FARP2: variants seen among roughly 807,000 people sequenced by gnomAD.
The protein encoded by FARP2 is FERM, ARH/RhoGEF and pleckstrin domain protein 2, also known as FERM, ARHGEF and pleckstrin domain-containing protein 2.
A neutral mutation model predicts 130.5 loss-of-function variants in FARP2; 111 were observed. The ratio of observed to expected loss-of-function variants is 0.85; its 90% CI spans 0.73 to 1.00. The LOEUF (loss-of-function observed/expected upper bound fraction) is 1.00. Among genes scored for constraint, FARP2 ranks in the 50% least tolerant of loss-of-function variants. The pLI is 0.00. For synonymous variants in FARP2, 504 were observed against 516.9 expected, an observed-to-expected ratio of 0.98 and a Z score of 0.34; for missense variants, 1,385 against 1,346.3, an observed-to-expected ratio of 1.03 and a Z score of -0.45.
intron 18 of FARP2, among the ~76,000 whole-genome samples, chr2:241,469,158 C>T (rs961360325): frequency 7.3e-5 from 11 of 151,642 alleles, no homozygotes; most frequent in Non-Finnish European, 1.3e-4. Context: ...GTGATCTTGG[C>T]TTACTGCAAT....
At chr2:241,445,902 CAT>C (rs2063503959) in intron 13 of FARP2, 1 of 152,246 alleles carries the variant, frequency 6.6e-6, no homozygotes, top group Non-Finnish European at 1.5e-5. Context: ...GGGTCACCGT[CAT>C]AGCCAGGTGT....
chr2:241,375,184 C>G (rs953330837), intron 2 of FARP2, among the ~76,000 whole-genome samples: 3 of 152,120 alleles, frequency 2.0e-5, no homozygotes, highest in Non-Finnish European at 4.4e-5. Flanking sequence ...ATCCCCTGAC[C>G]TCGTGATCCG....
chr2:241,435,768 C>T (rs964441852), intron 11 of FARP2, among the ~76,000 whole-genome samples: 1 of 151,786 alleles, frequency 6.6e-6, no homozygotes, highest in African/African-American at 2.4e-5. Context: ...GCCTCGGCCT[C>T]CCAAAGTGCT....
At chr2:241,492,446 C>T (rs1317657327) in intron 24 of FARP2, among the ~76,000 whole-genome samples, 1 of 152,168 alleles carries the variant, frequency 6.6e-6, no homozygotes, top group Admixed American at 6.5e-5. Context: ...GCGGGAGGCT[C>T]ATGTGAGCCC....
intron 5 of FARP2, among the ~76,000 whole-genome samples, chr2:241,409,449 T>C (rs1296746604): frequency 6.6e-6 from 1 of 152,124 alleles, no homozygotes; most frequent in Admixed American, 6.6e-5. Context: ...CTCTGGAGGC[T>C]GAGGCAGGAG....
intron 12 of FARP2, among the ~76,000 whole-genome samples, chr2:241,437,662 A>AT (rs1254102658): frequency 5.8e-4 from 79 of 135,398 alleles, no homozygotes; most frequent in East Asian, 3.7e-3. Context: ...TTATTTATTT[A>AT]TTTATTTATT....
intron 1 of FARP2, among the ~76,000 whole-genome samples, chr2:241,370,065 A>G (rs968340428): frequency 1.3e-5 from 2 of 152,182 alleles, no homozygotes; most frequent in Non-Finnish European, 2.9e-5. Flanking sequence ...AAGAAGGATT[A>G]ATTAATGGGT....
intron 9 of FARP2, 24 bp downstream of exon 9, chr2:241,431,798 A>G (rs909687000): frequency 1.6e-5 from 14 of 899,214 alleles, no homozygotes; most frequent in Non-Finnish European, 2.2e-5. Flanking sequence ...TCAACTTTTT[A>G]TTTTTATTTT....
intron 21 of FARP2, among the ~76,000 whole-genome samples, chr2:241,485,757 C>G (rs2064737373): frequency 6.6e-6 from 1 of 151,702 alleles, no homozygotes. Flanking sequence ...TCCCTGTGGT[C>G]CTCCCTCCCT....
At chr2:241,356,701 C>T (rs1022530785) in intron 1 of FARP2, among the ~76,000 whole-genome samples, 1 of 151,802 alleles carries the variant, frequency 6.6e-6, no homozygotes, top group Non-Finnish European at 1.5e-5. Context: ...GGGCTGTAGA[C>T]CGGGGAGTGT....
intron 1 of FARP2, among the ~76,000 whole-genome samples, chr2:241,370,318 A>G (rs938927642): frequency 6.6e-6 from 1 of 152,206 alleles, no homozygotes; most frequent in Non-Finnish European, 1.5e-5. Flanking sequence ...AAGATCTATT[A>G]TATAGCATGG....
At chr2:241,430,307 A>G (rs893874839) in intron 8 of FARP2, among the ~76,000 whole-genome samples, 2 of 152,112 alleles carry the variant, frequency 1.3e-5, no homozygotes, top group Non-Finnish European at 2.9e-5. Context: ...TGCCTGCTTC[A>G]CTGTGGAGTC....
At chr2:241,365,969 A>G (rs2061293771) in intron 1 of FARP2, among the ~76,000 whole-genome samples, 1 of 146,086 alleles carries the variant, frequency 6.8e-6, no homozygotes, top group South Asian at 2.1e-4. Context: ...TTTTTGGTTT[A>G]TGCTCTTTTT....
intron 7 of FARP2, among the ~76,000 whole-genome samples, chr2:241,416,514 A>G (rs922437428): frequency 2.6e-5 from 4 of 151,912 alleles, no homozygotes; most frequent in Admixed American, 2.0e-4. Flanking sequence ...CATTTCTTAC[A>G]TTGTCTTATG....
rs917540877 is a variant in FARP2, at chr2:241,491,121, G to A, written c.2565G>A (p.Lys855=). 1 of 1,613,368 alleles carries A rather than the reference G, an allele frequency of 6.2e-7. No individual in the cohort carries two copies. The highest frequency in any genetic ancestry group is 1.7e-5 in the Admixed American group (1 of 60,028). Reference sequence around the variant, plus strand: ...TGAACTCCGCGATCCAAGCAGCCAAGAGTGGCGGTGACACGGCCCCTGCAC... The same window carrying A: ...TGAACTCCGCGATCCAAGCAGCCAAAAGTGGCGGTGACACGGCCCCTGCAC... The part of the protein sequence containing the change: ...LDLNSAIQAA[K]SGGDTAPALP... The change falls in exon 23 of 27, where the codon AAG becomes AAA. Residue 855 remains lysine, a synonymous_variant. Coordinates refer to ENST00000264042, the MANE Select transcript of FARP2 (RefSeq NM_014808.4).
Position 241,456,735 on chromosome 2 carries a change from G to A in FARP2, c.1412-12G>A, listed in dbSNP as rs764333796. 32 of 1,613,630 alleles carry A rather than the reference G, an allele frequency of 2.0e-5. No individual in the cohort carries two copies. The highest frequency in any genetic ancestry group is 5.5e-5 in the South Asian group (5 of 91,064). On this transcript the variant is annotated splice_polypyrimidine_tract_variant and intron_variant, in intron 13 of 26. Transcript: ENST00000264042. ...CATTTCTCGCTCCATCCCCCTCCCCGTTCATTTCCAGGCCTTTCCACGAAG... is the reference window on the plus strand; with the variant it reads ...CATTTCTCGCTCCATCCCCCTCCCCATTCATTTCCAGGCCTTTCCACGAAG...
intron 17 of FARP2, chr2:241,465,727 C>A (rs767350125): frequency 9.5e-5 from 148 of 1,550,770 alleles, no homozygotes; most frequent in Admixed American, 3.1e-4. Context: ...CTGCATAACA[C>A]CATGAAGCTG....
At chr2:241,413,519 C>A in intron 7 of FARP2, 98 bp downstream of exon 7, 2 of 858,528 alleles carry the variant, frequency 2.3e-6, no homozygotes, top group Non-Finnish European at 3.7e-6. Flanking sequence ...CTGCAAGATT[C>A]TAACATAAGG....
intron 1 of FARP2, among the ~76,000 whole-genome samples, chr2:241,363,128 TC>T (rs755798242): frequency 2.6e-5 from 4 of 152,202 alleles, no homozygotes; most frequent in Non-Finnish European, 5.9e-5. Context: ...CCCTTCAGCA[TC>T]CCCTGCCCTG....
Sources: gnomAD v4.1 joint callset for allele counts (sites outside exome capture counted in the v4.1 genomes callset) on GRCh38, gnomAD v4.1.1 for gene constraint, MANE v1.5 for transcripts, NCBI Gene and HGNC (gene_info 2026-07-23, HGNC 2026-07-21) for gene names.